The following RNF31 variants were observed in gnomAD, a reference collection of about 807,000 sequenced individuals.
The protein encoded by RNF31 is ring finger protein 31.
RNF31 carries 38 observed loss-of-function variants against 133.6 expected under a neutral mutation model. The ratio of observed to expected loss-of-function variants is 0.28; its 90% CI spans 0.22 to 0.37. The LOEUF is 0.37. Among genes scored for constraint, RNF31 ranks in the 10% least tolerant of loss-of-function variants. The probability of loss-of-function intolerance (pLI) is 1.00; values close to 1 mark genes in which losing one functional copy is unlikely to be tolerated. For missense variants in RNF31, 1,118 were observed against 1,394.1 expected, an observed-to-expected ratio of 0.80 and a Z score of 3.15; for synonymous variants, 582 against 552.3, an observed-to-expected ratio of 1.05 and a Z score of -0.75.
At chr14:24,152,701 GC>G (rs1470661293) in intron 11 of RNF31, among the ~76,000 whole-genome samples, 1 of 152,216 alleles carries the variant, frequency 6.6e-6, no homozygotes, top group East Asian at 1.9e-4. Flanking sequence ...CACATACAGA[GC>G]CAGTCTAACT....
chr14:24,153,895 C>G (rs2038303998), intron 11 of RNF31, among the ~76,000 whole-genome samples: 1 of 152,016 alleles, frequency 6.6e-6, no homozygotes, highest in Non-Finnish European at 1.5e-5. Context: ...CAGAGTGAGA[C>G]TCTGTCTCAA....
chr14:24,158,603 G>A (rs776425213), intron 18 of RNF31: 7 of 209,564 alleles, frequency 3.3e-5, no homozygotes, highest in Non-Finnish European at 9.7e-6. Flanking sequence ...ACAGAGGTAA[G>A]TCTACAGTCC....
At chr14:24,157,443 G>A (rs1226555044) in intron 15 of RNF31, 39 bp downstream of exon 15, 10 of 1,603,290 alleles carry the variant, frequency 6.2e-6, no homozygotes, top group Non-Finnish European at 8.5e-6. Context: ...TCAGAAGCCT[G>A]TCATTGCCAG....
chr14:24,149,649 T>C, intron 6 of RNF31, 66 bp downstream of exon 6: 1 of 1,479,366 alleles, frequency 6.8e-7, no homozygotes, highest in Non-Finnish European at 9.2e-7. Context: ...GATTATGGAC[T>C]ACCTGCCAGT....
chr14:24,154,838 C>T (rs886551336), intron 11 of RNF31: 6 of 376,130 alleles, frequency 1.6e-5, no homozygotes, highest in South Asian at 3.2e-5. Flanking sequence ...CACTTCTAGT[C>T]ACCTGGCAAC....
chr14:24,158,951 T>G (rs547685101), intron 18 of RNF31, among the ~76,000 whole-genome samples: 29 of 141,328 alleles, frequency 2.1e-4, no homozygotes, highest in Non-Finnish European at 2.5e-4. Context: ...GAGAATGGCA[T>G]GAACCCGGGA....
upstream of RNF31, chr14:24,147,027 G>T (rs546002329): frequency 7.8e-5 from 18 of 229,848 alleles, no homozygotes; most frequent in Non-Finnish European, 1.4e-4. Context: ...GCCAGAGGGA[G>T]CGCCTGGGGT....
chr14:24,155,839 C>T lies in RNF31; in HGVS notation c.2493+147C>T. 3 of 617,346 alleles carry T rather than the reference C, an allele frequency of 4.9e-6. No individual in the cohort carries two copies. Among genetic ancestry groups the T allele is most frequent in the Non-Finnish European group, 8.5e-6 (3 of 352,340 alleles). The allele number at this position is 617,346 out of a possible 1,614,324, so 38.2% of individuals were successfully genotyped here. On this transcript the variant is annotated intron_variant, in intron 14 of 20. Coordinates refer to ENST00000324103, the MANE Select transcript of RNF31 (RefSeq NM_017999.5). This position sits in a 1 kb window ranked among gnomAD's most constrained non-coding sequence, Gnocchi z 4.9. Reference sequence around the variant, plus strand: ...ACAGACTACTCAGAAAGACTAGGCACAAGGAGAAAGGGAAGCAGAGGGAGG... The same window carrying T: ...ACAGACTACTCAGAAAGACTAGGCATAAGGAGAAAGGGAAGCAGAGGGAGG...
At chr14:24,147,936 C>T (rs1204509205) in intron 1 of RNF31, 40 bp from the exon 2 acceptor site, 1 of 1,613,690 alleles carries the variant, frequency 6.2e-7, no homozygotes, top group Admixed American at 1.7e-5. Flanking sequence ...GGCCTGAGGC[C>T]CAGGCCACGC....
Position 24,155,136 on chromosome 14 carries a change from C to T in RNF31, c.2131-21C>T, listed in dbSNP as rs1318645683. 5 of 1,609,752 alleles carry T rather than the reference C, an allele frequency of 3.1e-6. No homozygotes were observed. Among genetic ancestry groups the T allele is most frequent in the Non-Finnish European group, 4.2e-6 (5 of 1,176,724 alleles). On this transcript the variant is annotated intron_variant, in intron 11 of 20. Coordinates refer to ENST00000324103, the MANE Select transcript of RNF31 (RefSeq NM_017999.5). This position sits in a 1 kb window ranked among gnomAD's most constrained non-coding sequence, Gnocchi z 4.9. ...CAGCTGTGGCTTCTGACCCCCTCCC[C>T]TCCAACCCCTCACCCTCCAGATGCA...
Position 24,157,915 on chromosome 14 carries a change from C to T in RNF31, c.2745C>T (p.Asn915=), listed in dbSNP as rs1464351344. The change falls in exon 17 of 21, where the codon AAC becomes AAT. Residue 915 remains asparagine, a synonymous_variant. Coordinates refer to ENST00000324103, the MANE Select transcript of RNF31 (RefSeq NM_017999.5). ...FYAKNKCPEP[N]CRVKKSLHGH... ...TCTGCCAGAAATGTCCAGAGCCTAACTGCAGGGTGAAAAAGTCCCTGCACG... is the reference window on the plus strand; with the variant it reads ...TCTGCCAGAAATGTCCAGAGCCTAATTGCAGGGTGAAAAAGTCCCTGCACG... The T allele has an allele frequency of 1.5e-5, 25 of 1,613,894 alleles. No individual in the cohort carries two copies. In the South Asian group the frequency reaches 2.5e-4, roughly 16 times the overall value.
Position 24,160,279 on chromosome 14 carries a change from C to T in RNF31, c.3037C>T (p.His1013Tyr). The T allele has an allele frequency of 6.2e-7, 1 of 1,614,126 alleles. No individual in the cohort carries two copies. The highest frequency in any genetic ancestry group is 8.5e-7 in the Non-Finnish European group (1 of 1,180,024). The stretch of plus-strand genomic sequence containing the variant: ...GTATCTTGTGAGCCTCATCAATGCC[C>T]ACTCGCTGGACCCAGCCACCTTGTA... ...KEYLVSLINA[H>Y]SLDPATLYEV... The change falls in exon 20 of 21, where the codon CAC (histidine) becomes TAC (tyrosine). Residue 1013 changes from histidine to tyrosine, a missense_variant. By Grantham distance (83) the His-to-Tyr change is moderately conservative. Coordinates refer to ENST00000324103, the MANE Select transcript of RNF31 (RefSeq NM_017999.5). This position sits in a 1 kb window ranked among gnomAD's most constrained non-coding sequence, Gnocchi z 4.0.
intron 11 of RNF31, among the ~76,000 whole-genome samples, chr14:24,153,187 G>A (rs1268567813): frequency 1.3e-5 from 2 of 152,114 alleles, no homozygotes; most frequent in South Asian, 2.1e-4. Flanking sequence ...CCTCATGCCT[G>A]TAATCCTAGA....
rs966057710 is a variant in RNF31, at chr14:24,150,183, T to C, written c.932T>C (p.Met311Thr). 1 of 1,614,204 alleles carries C rather than the reference T, an allele frequency of 6.2e-7. No individual in the cohort carries two copies. The highest frequency in any genetic ancestry group is 8.5e-7 in the Non-Finnish European group (1 of 1,180,020). The part of the protein sequence containing the change: ...HLPWHCAACA[M>T]LNEPWAVLCV... ...CCCTGGCACTGTGCTGCCTGTGCCA[T>C]GCTAAATGAGCCTTGGGCAGTGCTC... Residue 311 changes from methionine (M) to threonine (T), a missense_variant, in exon 7 of 21, where the codon ATG becomes ACG. Met to Thr is a moderately conservative substitution (Grantham distance 81). Coordinates refer to ENST00000324103, the MANE Select transcript of RNF31 (RefSeq NM_017999.5).
chr14:24,151,818 A>G lies in RNF31; in HGVS notation c.1956A>G (p.Ala652=), dbSNP rs372336291. Residue 652 remains alanine, a synonymous_variant, in exon 11 of 21, where the codon GCA becomes GCG. Coordinates refer to ENST00000324103, the MANE Select transcript of RNF31 (RefSeq NM_017999.5). The surrounding 1 kb of genome is among the most constrained non-coding windows in gnomAD (Gnocchi z 5.3). ...TCAGGCGGCTTTTGGCAGTCTACGCACTCCCCAGCTGGGGCCGGGCAGAGC... is the reference window on the plus strand; with the variant it reads ...TCAGGCGGCTTTTGGCAGTCTACGCGCTCCCCAGCTGGGGCCGGGCAGAGC... ...SLVRRLLAVY[A]LPSWGRAELA... 8 of 1,613,016 alleles carry G rather than the reference A, an allele frequency of 5.0e-6. No individual in the cohort carries two copies. In the East Asian group the frequency reaches 1.1e-4, roughly 22 times the overall value.
At chr14:24,147,018 C>G, upstream of RNF31, 2 of 227,210 alleles carry the variant, frequency 8.8e-6, no homozygotes, top group South Asian at 5.2e-5. Flanking sequence ...GGAGGGGCAG[C>G]CAGAGGGAGC....
At chr14:24,158,527 G>C (rs1039657773) in intron 18 of RNF31, 8 of 374,906 alleles carry the variant, frequency 2.1e-5, no homozygotes, top group Non-Finnish European at 3.4e-5. Flanking sequence ...CACTGTTTTA[G>C]GTTCCATGAG....
chr14:24,150,659 T>C lies in RNF31; in HGVS notation c.1259T>C (p.Phe420Ser), dbSNP rs774561686. 1 of 1,614,236 alleles carries C rather than the reference T, an allele frequency of 6.2e-7. No homozygotes were observed. The highest frequency in any genetic ancestry group is 2.2e-5 in the East Asian group (1 of 44,892). Residue 420 changes from phenylalanine to serine, a missense_variant, in exon 8 of 21, where the codon TTC becomes TCC. Phe to Ser is a radical substitution (Grantham distance 155). Around this residue, in one of 3 missense-constraint regions of RNF31, gnomAD observed 747 missense variants for 827.9 expected, o/e 0.90. Coordinates refer to ENST00000324103, the MANE Select transcript of RNF31 (RefSeq NM_017999.5). ...SQVWYCIHCT[F>S]CNSSPGWVCV... The stretch of plus-strand genomic sequence containing the variant: ...GTCTGGTACTGTATTCACTGTACCT[T>C]CTGCAACTCGAGCCCTGGCTGGGTG...
At chr14:24,154,390 C>T (rs1230011822) in intron 11 of RNF31, among the ~76,000 whole-genome samples, 1 of 152,180 alleles carries the variant, frequency 6.6e-6, no homozygotes, top group Non-Finnish European at 1.5e-5. Flanking sequence ...GATCCGCCTG[C>T]CTCAGCCTCC....
Sources: allele counts gnomAD v4.1 joint callset (sites outside exome capture counted in the v4.1 genomes callset), GRCh38; gene constraint gnomAD v4.1.1; regional missense constraint gnomAD v4.1.1; non-coding constraint Gnocchi (gnomAD v3.1); transcripts MANE v1.5; gene names NCBI Gene and HGNC (gene_info 2026-07-23, HGNC 2026-07-21).